Variants in ZFHX3 observed in about 807,000 individuals in gnomAD.
ZFHX3 encodes zinc finger homeobox 3, also known as zinc finger homeobox protein 3.
Under a neutral mutation model 279.1 loss-of-function variants are expected in ZFHX3, and 42 were observed. The ratio of observed to expected loss-of-function variants is 0.15; its 90% CI spans 0.12 to 0.19. The LOEUF (loss-of-function observed/expected upper bound fraction) is 0.19, where lower values mean the gene tolerates loss of function less well. ZFHX3 is among the 10% of genes least tolerant of loss of function. The probability of loss-of-function intolerance (pLI) is 1.00; values close to 1 mark genes in which losing one functional copy is unlikely to be tolerated. For missense variants in ZFHX3, 4,981 were observed against 4,754.0 expected (o/e 1.05, Z -1.40); for synonymous variants, 2,293 against 1,957.8 (o/e 1.17, Z -4.52).
chr16:73,252,653 G>T (rs1352201119), intron 5 of ZFHX3, among the ~76,000 whole-genome samples: 1 of 152,162 alleles, frequency 6.6e-6, no homozygotes, highest in Non-Finnish European at 1.5e-5. Flanking sequence ...GGCTACGGCT[G>T]AGTGTTCGGT....
At chr16:73,235,469 G>T (rs752050038) in intron 5 of ZFHX3, among the ~76,000 whole-genome samples, 2 of 152,092 alleles carry the variant, frequency 1.3e-5, no homozygotes, top group Non-Finnish European at 2.9e-5. Context: ...TAAACCAGGG[G>T]TCATAACTCG....
intron 3 of ZFHX3, among the ~76,000 whole-genome samples, chr16:73,385,891 G>A (rs1355393102): frequency 6.6e-6 from 1 of 152,162 alleles, no homozygotes; most frequent in African/African-American, 2.4e-5. Flanking sequence ...GGTATGATAA[G>A]GATGTTCCTG....
At chr16:73,359,301 G>C (rs2016396665) in intron 3 of ZFHX3, among the ~76,000 whole-genome samples, 1 of 151,886 alleles carries the variant, frequency 6.6e-6, no homozygotes, top group Non-Finnish European at 1.5e-5. Context: ...AAGGAGTAGA[G>C]AATGGCATGT....
chr16:73,682,441 A>G (rs2053020251), intron 1 of ZFHX3, among the ~76,000 whole-genome samples: 4 of 152,166 alleles, frequency 2.6e-5, no homozygotes, highest in Admixed American at 2.6e-4. Context: ...TGAAATGGTC[A>G]AGAATGTCAC....
At chr16:73,425,804 T>C (rs999028272) in intron 3 of ZFHX3, among the ~76,000 whole-genome samples, 2 of 152,150 alleles carry the variant, frequency 1.3e-5, no homozygotes, top group Non-Finnish European at 2.9e-5. Context: ...CTTCAGATCA[T>C]TGCGAAAATC....
At chr16:73,460,127 C>T (rs2018448250) in intron 2 of ZFHX3, among the ~76,000 whole-genome samples, 1 of 152,224 alleles carries the variant, frequency 6.6e-6, no homozygotes, top group Non-Finnish European at 1.5e-5. Flanking sequence ...CCCATTCCCA[C>T]TCTCTCCTTA....
intron 2 of ZFHX3, among the ~76,000 whole-genome samples, chr16:73,607,488 T>A (rs12925204): frequency 6.6e-6 from 1 of 152,004 alleles, no homozygotes. Flanking sequence ...CTATTCACAA[T>A]AGCAAAGACA....
intron 5 of ZFHX3, among the ~76,000 whole-genome samples, chr16:73,216,006 T>C (rs147978270): frequency 3.8e-4 from 58 of 152,308 alleles, no homozygotes; most frequent in Middle Eastern, 6.8e-3. Context: ...TAGATAGTGA[T>C]TGATCTGAGA....
chr16:73,043,048 G>T (rs1180303725), intron 1 of ZFHX3, among the ~76,000 whole-genome samples: 1 of 152,096 alleles, frequency 6.6e-6, no homozygotes, highest in East Asian at 1.9e-4. Context: ...GCAGCCAGGA[G>T]TAGGGGTGGG....
intron 1 of ZFHX3, among the ~76,000 whole-genome samples, chr16:73,828,052 G>A (rs1367928128): frequency 3.2e-5 from 1 of 31,600 alleles, no homozygotes; most frequent in Non-Finnish European, 6.0e-5. Flanking sequence ...TCTCTTTGTA[G>A]GTCACTCAGG....
At chr16:73,820,289 A>C (rs1382590624) in intron 1 of ZFHX3, among the ~76,000 whole-genome samples, 1 of 151,894 alleles carries the variant, frequency 6.6e-6, no homozygotes, top group Non-Finnish European at 1.5e-5. Flanking sequence ...ACAGGGTTTC[A>C]CCGTGTTAGC....
chr16:73,817,161 C>A (rs1440364502), intron 1 of ZFHX3, among the ~76,000 whole-genome samples: 4 of 152,136 alleles, frequency 2.6e-5, no homozygotes, highest in African/African-American at 9.7e-5. Flanking sequence ...CACATGCAGC[C>A]ACGTGCATTA....
chr16:73,172,988 GT>G (rs1296855983), intron 5 of ZFHX3, among the ~76,000 whole-genome samples: 4 of 46,170 alleles, frequency 8.7e-5, no homozygotes, highest in Non-Finnish European at 1.4e-4. Flanking sequence ...TGATGGGACT[GT>G]TTTTTTGTTT....
chr16:73,436,735 G>A (rs1567483806), intron 3 of ZFHX3, among the ~76,000 whole-genome samples: 2 of 144,334 alleles, frequency 1.4e-5, no homozygotes, highest in African/African-American at 5.0e-5. Flanking sequence ...TGACTTTGAT[G>A]CAAGGAAGCC....
rs112683118 is a variant in ZFHX3, at chr16:73,760,961, T to G, written c.-1607-80721A>C. On this transcript the variant is annotated intron_variant, in intron 1 of 17. Transcript: ENST00000641206. ...CACCACCCCTATTCAACATAGTATT[T>G]GGAAGCTCTGGCCAGGGCAATCAGG... Among the ~76,000 whole-genome samples the G allele has an allele frequency of 6.6e-5, 10 of 150,728 alleles. 1 individual carries two copies. Among genetic ancestry groups the G allele is most frequent in the African/African-American group, 2.4e-4 (10 of 40,938 alleles).
chr16:73,645,259 T>C (rs1301523609), intron 2 of ZFHX3, among the ~76,000 whole-genome samples: 2 of 152,200 alleles, frequency 1.3e-5, no homozygotes, highest in Non-Finnish European at 2.9e-5. Flanking sequence ...ATCATTATTA[T>C]TTTTTATTTT....
intron 2 of ZFHX3, among the ~76,000 whole-genome samples, chr16:73,671,653 T>C (rs2052905209): frequency 6.6e-6 from 1 of 152,194 alleles, no homozygotes; most frequent in African/African-American, 2.4e-5. Flanking sequence ...AAAGGAGTAG[T>C]CAATATTTTA....
At chr16:73,057,526 T>G (rs1965583590) in intron 1 of ZFHX3, among the ~76,000 whole-genome samples, 1 of 120,522 alleles carries the variant, frequency 8.3e-6, no homozygotes, top group African/African-American at 2.9e-5. Flanking sequence ...AATCCCAGAT[T>G]CGCGAGAGCA....
chr16:73,665,808 CTTT>C (rs527815602), intron 2 of ZFHX3, among the ~76,000 whole-genome samples: 52,829 of 90,298 alleles, frequency 0.59, 15,601 homozygotes, highest in East Asian at 0.78. Flanking sequence ...TCTTCAATAA[CTTT>C]TTTTTTTTTT....
Sources: gnomAD v4.1 joint callset for allele counts (sites outside exome capture counted in the v4.1 genomes callset) on GRCh38, gnomAD v4.1.1 for gene constraint, MANE v1.5 for transcripts, NCBI Gene and HGNC (gene_info 2026-07-23, HGNC 2026-07-21) for gene names.